PCNX4: variants seen among roughly 807,000 people sequenced by gnomAD.
The protein encoded by PCNX4 is pecanex-like protein 4.
PCNX4 carries 103 observed loss-of-function variants against 107.2 expected under a neutral mutation model. The observed-to-expected ratio is 0.96, with a 90% CI of 0.82 to 1.13. PCNX4 has a LOEUF of 1.13. PCNX4 is among the 50% of genes most tolerant of loss of function. The pLI, the probability that PCNX4 is intolerant of heterozygous loss-of-function variation, is 0.00. For synonymous variants in PCNX4, 541 were observed against 481.7 expected, an observed-to-expected ratio of 1.12 and a Z score of -1.61; for missense variants, 1,528 against 1,379.4, an observed-to-expected ratio of 1.11 and a Z score of -1.71.
chr14:60,139,782 T>G lies in PCNX4; in HGVS notation c.*5561T>G, dbSNP rs936494297. On this transcript the variant is annotated 3_prime_UTR_variant, in exon 11 of 11. Transcript: ENST00000406854. ...AATTTCAAAAATAGAAAAATTCTATTAAGTTCATAAATTAAGAAATACACT... is the reference window on the plus strand; with the variant it reads ...AATTTCAAAAATAGAAAAATTCTATGAAGTTCATAAATTAAGAAATACACT... 3.3e-5 allele frequency: 5 copies of G among 152,086 alleles called. No homozygotes were observed. Among genetic ancestry groups the G allele is most frequent in the African/African-American group, 1.2e-4 (5 of 41,444 alleles). 9.4% of individuals were successfully genotyped at this position (152,086 alleles called of 1,614,324 possible). A position where few individuals can be genotyped will look rare whatever the true frequency, so the allele number is the denominator to read the frequency against.
chr14:60,133,651 A>G, intron 10 of PCNX4: 1 of 513,808 alleles, frequency 1.9e-6, no homozygotes, highest in Non-Finnish European at 3.8e-6. Context: ...TTCACCACCA[A>G]ATAGTATTTA....
Position 60,144,870 on chromosome 14 carries a change from C to G in PCNX4, c.*10649C>G. 1 of 1,056,688 alleles carries G rather than the reference C, an allele frequency of 9.5e-7. No homozygotes were observed. Among genetic ancestry groups the G allele is most frequent in the Non-Finnish European group, 1.4e-6 (1 of 691,518 alleles). 65.5% of individuals were successfully genotyped at this position (1,056,688 alleles called of 1,614,324 possible). A position where few individuals can be genotyped will look rare whatever the true frequency, so the allele number is the denominator to read the frequency against. On this transcript the variant is annotated 3_prime_UTR_variant, in exon 11 of 11. Transcript: ENST00000406854. ...TCATATCTATTAAAAAGTAAAATCACAAATTAGTCTTTGATTATTCAGAAG... is the reference window on the plus strand; with the variant it reads ...TCATATCTATTAAAAAGTAAAATCAGAAATTAGTCTTTGATTATTCAGAAG...
rs1286093510 is a variant in PCNX4, at chr14:60,134,205, A to G, written c.3503A>G (p.His1168Arg). 1.2e-6 allele frequency: 2 copies of G among 1,613,450 alleles called. No individual in the cohort carries two copies. The highest frequency in any genetic ancestry group is 1.7e-6 in the Non-Finnish European group (2 of 1,179,556). Residue 1168 changes from histidine (H) to arginine (R), a missense_variant, in exon 11 of 11, where the codon CAC (histidine) becomes CGC (arginine). Transcript: ENST00000406854. ...CCGATTTATTCTTCAAAACCTCTCC[A>G]CATACATTTGTATTAGAGCTCATTT... Reference protein sequence around the residue: ...GYPIYSSKPLHIHLY With the variant: ...GYPIYSSKPLRIHLY
chr14:60,119,308 G>C (rs1376778044), intron 7 of PCNX4, among the ~76,000 whole-genome samples: 1 of 152,124 alleles, frequency 6.6e-6, no homozygotes, highest in African/African-American at 2.4e-5. Flanking sequence ...AACACTAACT[G>C]TAAATTTTAA....
chr14:60,098,931 T>TC (rs1895478955), intron 1 of PCNX4, among the ~76,000 whole-genome samples: 1 of 147,474 alleles, frequency 6.8e-6, no homozygotes, highest in African/African-American at 2.5e-5. Context: ...ACAGCGAAAC[T>TC]CCGTCTCAAA....
intron 6 of PCNX4, among the ~76,000 whole-genome samples, chr14:60,117,377 G>A (rs1413584038): frequency 6.6e-6 from 1 of 152,136 alleles, no homozygotes; most frequent in Non-Finnish European, 1.5e-5. Context: ...ATGGTATTGA[G>A]TACTGTAACA....
At position 60,115,373 on chromosome 14, in the gene PCNX4, G is replaced by C. The variant is rs746035923; in HGVS notation, c.1269G>C (p.Pro423=). 6.3e-7 allele frequency: 1 copy of C among 1,599,542 alleles called. No homozygotes were observed. Among genetic ancestry groups the C allele is most frequent in the East Asian group, 2.2e-5 (1 of 44,750 alleles). Residue 423 remains proline (P), a synonymous_variant, in exon 4 of 11, where the codon CCG becomes CCC. Coordinates refer to ENST00000406854, the MANE Select transcript of PCNX4 (RefSeq NM_001330177.2). ...IIGIFRNPFY[P]KDVQTVTVFF... ...GAATTTTCCGAAATCCCTTTTATCC[G>C]AAGGATGTGCAAACTGTGACTGTAT...
chr14:60,133,799 C>G, intron 10 of PCNX4, 171 bp from the exon 11 acceptor site: 1 of 694,336 alleles, frequency 1.4e-6, no homozygotes, highest in Non-Finnish European at 2.4e-6. Flanking sequence ...ATTCTTGATT[C>G]TGAATACAGG....
At chr14:60,123,209 C>T (rs1012458022) in intron 8 of PCNX4, among the ~76,000 whole-genome samples, 1 of 152,094 alleles carries the variant, frequency 6.6e-6, no homozygotes, top group Non-Finnish European at 1.5e-5. Context: ...TGCTCTGTGA[C>T]ATATGTGGTT....
At position 60,144,658 on chromosome 14, in the gene PCNX4, G is replaced by C. The variant is rs2140580921; in HGVS notation, c.*10437G>C. 4.2e-6 allele frequency: 1 copy of C among 235,744 alleles called. No homozygotes were observed. The highest frequency in any genetic ancestry group is 7.2e-5 in the South Asian group (1 of 13,930). The allele number at this position is 235,744 out of a possible 1,614,324, so 14.6% of individuals were successfully genotyped here. On this transcript the variant is annotated 3_prime_UTR_variant, in exon 11 of 11. Transcript: ENST00000406854. ...GTTGTTTATAAATTACCAAATCTGT[G>C]GTATTTTGTTATAGCAGCACAAATG...
At chr14:60,131,617 AATACTCTCCAAATATATCT>A in intron 10 of PCNX4, among the ~76,000 whole-genome samples, 1 of 152,240 alleles carries the variant, frequency 6.6e-6, no homozygotes, top group Non-Finnish European at 1.5e-5. Flanking sequence ...TTAAGATGGC[AATACTCTCCAAATATATCT>A]ACAGATTCAA....
rs1313700096 is a variant in PCNX4 at position 60,140,969 on chromosome 14, TGTAA to T, written c.*6751_*6754del. ...TAAGAAACTCATGGGATTTTGGCTATGTAAGTGGCCAAATACTGCATAGGCAAGG... is the reference window on the plus strand; with the variant it reads ...TAAGAAACTCATGGGATTTTGGCTATGTGGCCAAATACTGCATAGGCAAGG... On this transcript the variant is annotated 3_prime_UTR_variant, in exon 11 of 11. Coordinates refer to ENST00000406854, the MANE Select transcript of PCNX4 (RefSeq NM_001330177.2). This position sits in a 1 kb window ranked among gnomAD's most constrained non-coding sequence, Gnocchi z 4.2. 6.6e-6 allele frequency: 1 copy of T among 152,204 alleles called. No individual in the cohort carries two copies. Among genetic ancestry groups the T allele is most frequent in the African/African-American group, 2.4e-5 (1 of 41,452 alleles). The allele number at this position is 152,204 out of a possible 1,614,324, so 9.4% of individuals were successfully genotyped here. A position where few individuals can be genotyped will look rare whatever the true frequency, so the allele number is the denominator to read the frequency against.
intron 10 of PCNX4, chr14:60,126,268 G>A (rs1340100197): frequency 6.6e-6 from 1 of 152,324 alleles, no homozygotes; most frequent in Non-Finnish European, 1.5e-5. Context: ...ACTTAAAATA[G>A]GGGATGACTC....
At chr14:60,107,332 T>C (rs1463403130) in intron 1 of PCNX4, among the ~76,000 whole-genome samples, 2 of 152,184 alleles carry the variant, frequency 1.3e-5, no homozygotes, top group African/African-American at 4.8e-5. Context: ...CAGTGAGCTG[T>C]GATCACAGTA....
chr14:60,116,198 C>T, intron 6 of PCNX4, 138 bp downstream of exon 6: 2 of 840,022 alleles, frequency 2.4e-6, no homozygotes, highest in South Asian at 2.3e-5. Flanking sequence ...AAAAAGAAAC[C>T]TCAACTGTTA....
intron 10 of PCNX4, among the ~76,000 whole-genome samples, chr14:60,127,758 GA>G (rs1896082223): frequency 6.6e-6 from 1 of 152,138 alleles, no homozygotes; most frequent in Admixed American, 6.6e-5. Flanking sequence ...TATATCGGGG[GA>G]AAAAAGCAGA....
rs1360116662 is a variant in PCNX4 at position 60,138,936 on chromosome 14, G to A, written c.*4715G>A. On this transcript the variant is annotated 3_prime_UTR_variant, in exon 11 of 11. Transcript: ENST00000406854. ...CAGAATTATCAGAAAGAAGATTAAAGTATAAATAAGACTGCTGTGTCATCT... is the reference window on the plus strand; with the variant it reads ...CAGAATTATCAGAAAGAAGATTAAAATATAAATAAGACTGCTGTGTCATCT... 6.6e-6 allele frequency: 1 copy of A among 152,034 alleles called. No homozygotes were observed. The highest frequency in any genetic ancestry group is 1.5e-5 in the Non-Finnish European group (1 of 67,960). The allele number at this position is 152,034 out of a possible 1,614,324, so 9.4% of individuals were successfully genotyped here.
chr14:60,108,744 T>G (rs922038127), intron 2 of PCNX4: 1 of 48,234 alleles, frequency 2.1e-5, no homozygotes, highest in Non-Finnish European at 9.2e-5. Context: ...TTTCTAATTT[T>G]ATGATAGCAA....
In PCNX4 at chr14:60,107,898, T is replaced by C. The variant is rs758773053; in HGVS notation, c.260T>C (p.Ile87Thr). Reference sequence around the variant, plus strand: ...TTAATGCTTTTTACTGCATTTGTCATCCAGTTCACAAGTTTATACGCCAAA... The same window carrying C: ...TTAATGCTTTTTACTGCATTTGTCACCCAGTTCACAAGTTTATACGCCAAA... ...GGLMLFTAFV[I>T]QFTSLYAKNK... is the part of the protein sequence containing the mutation. The change falls in exon 2 of 11, where the codon ATC (isoleucine) becomes ACC (threonine). Residue 87 changes from isoleucine (I) to threonine (T), a missense_variant. Transcript: ENST00000406854. 8.1e-6 allele frequency: 13 copies of C among 1,612,888 alleles called. No individual in the cohort carries two copies. Among genetic ancestry groups the C allele is most frequent in the Admixed American group, 1.7e-5 (1 of 60,020 alleles).
Sources: gnomAD v4.1 joint callset for allele counts (sites outside exome capture counted in the v4.1 genomes callset) on GRCh38, gnomAD v4.1.1 for gene constraint, Gnocchi (gnomAD v3.1) non-coding constraint, MANE v1.5 for transcripts, NCBI Gene and HGNC (gene_info 2026-07-23, HGNC 2026-07-21) for gene names.